Variants in BNC2 observed in about 807,000 individuals in gnomAD.
BNC2 encodes basonuclin zinc finger protein 2, also known as zinc finger protein basonuclin-2.
In BNC2, 20 loss-of-function variants were observed where a neutral mutation model predicts 76.3. The ratio of observed to expected loss-of-function variants is 0.26; its 90% CI spans 0.18 to 0.38. BNC2 has a LOEUF of 0.38. BNC2 is among the 10% of genes least tolerant of loss of function. The pLI, the probability that BNC2 is intolerant of heterozygous loss-of-function variation, is 1.00. For missense variants in BNC2, 1,382 were observed against 1,399.8 expected (o/e 0.99, Z 0.20); for synonymous variants, 582 against 514.8 (o/e 1.13, Z -1.77).
intron 1 of BNC2, among the ~76,000 whole-genome samples, chr9:16,824,526 G>A (rs1443034897): frequency 6.6e-6 from 1 of 152,128 alleles, no homozygotes; most frequent in Non-Finnish European, 1.5e-5. Flanking sequence ...TTATCTCCTT[G>A]ATAAGCAGTG....
chr9:16,741,657 TG>T (rs1824853242), intron 1 of BNC2, among the ~76,000 whole-genome samples: 1 of 151,972 alleles, frequency 6.6e-6, no homozygotes, highest in South Asian at 2.1e-4. Flanking sequence ...AAAAATACCT[TG>T]CTCTAAAACA....
intron 5 of BNC2, among the ~76,000 whole-genome samples, chr9:16,480,488 G>A (rs1053863218): frequency 1.3e-5 from 2 of 152,202 alleles, no homozygotes; most frequent in East Asian, 1.9e-4. Context: ...CGGCTCCCTC[G>A]GCTTGCAGGG....
chr9:16,435,654 C>T lies in BNC2; in HGVS notation c.2540G>A (p.Ser847Asn). Residue 847 changes from serine to asparagine, a missense_variant, in exon 6 of 7, where the codon AGT (serine) becomes AAT (asparagine). Coordinates refer to ENST00000380672, the MANE Select transcript of BNC2 (RefSeq NM_017637.6). The stretch of plus-strand genomic sequence containing the variant: ...AACGTTCCTGTAGTGAAGTTTCACA[C>T]TGTAGGAGCTTTTGAAACTCTTCTT... ...VCKKSFKSSYSVKLHYRNVHL... is the reference protein window; with the variant it reads ...VCKKSFKSSYNVKLHYRNVHL... 1 of 1,614,164 alleles carries T rather than the reference C, an allele frequency of 6.2e-7. No individual in the cohort carries two copies. The highest frequency in any genetic ancestry group is 1.1e-5 in the South Asian group (1 of 91,088).
intron 2 of BNC2, 197 bp from the exon 3 acceptor site, chr9:16,728,194 C>A: frequency 1.5e-6 from 1 of 655,334 alleles, no homozygotes. Context: ...CCCAAGCTTG[C>A]CTTTGCTCAG....
At chr9:16,752,248 A>T (rs536198967) in intron 1 of BNC2, among the ~76,000 whole-genome samples, 1 of 152,312 alleles carries the variant, frequency 6.6e-6, no homozygotes, top group South Asian at 2.1e-4. Context: ...TGAACATAAT[A>T]AACAAACTAC....
intron 1 of BNC2, among the ~76,000 whole-genome samples, chr9:16,824,759 T>G (rs749625605): frequency 6.6e-6 from 1 of 152,102 alleles, no homozygotes; most frequent in Non-Finnish European, 1.5e-5. Context: ...GTTTCAGGGG[T>G]TGCCAAGGGA....
At chr9:16,865,345 TAG>T (rs1332426217) in intron 1 of BNC2, among the ~76,000 whole-genome samples, 34 of 152,286 alleles carry the variant, frequency 2.2e-4, no homozygotes, top group African/African-American at 7.9e-4. Flanking sequence ...CTCATCTTAT[TAG>T]AGTTTTATAG....
At chr9:16,684,289 T>C (rs1430795097) in intron 3 of BNC2, among the ~76,000 whole-genome samples, 1 of 152,202 alleles carries the variant, frequency 6.6e-6, no homozygotes, top group Non-Finnish European at 1.5e-5. Context: ...TCACTCTGCA[T>C]TTGCATGTCA....
intron 3 of BNC2, among the ~76,000 whole-genome samples, chr9:16,591,979 A>G (rs1819941364): frequency 1.3e-5 from 2 of 152,186 alleles, no homozygotes; most frequent in African/African-American, 4.8e-5. Flanking sequence ...ATTAGATCTT[A>G]TAACTGAGAC....
chr9:16,558,330 T>G (rs534675311), intron 4 of BNC2, among the ~76,000 whole-genome samples: 69 of 152,324 alleles, frequency 4.5e-4, no homozygotes, highest in African/African-American at 1.6e-3. Context: ...TCTAAATTTG[T>G]ACCTAATGAA....
chr9:16,567,422 G>C (rs1214391840), intron 4 of BNC2, among the ~76,000 whole-genome samples: 1 of 152,054 alleles, frequency 6.6e-6, no homozygotes, highest in Non-Finnish European at 1.5e-5. Flanking sequence ...GGGTGGGTGA[G>C]GGGTAGTTAT....
chr9:16,419,371 C>G lies in BNC2; in HGVS notation c.2918G>C (p.Ser973Thr). The G allele has an allele frequency of 6.2e-7, 1 of 1,606,038 alleles. No homozygotes were observed. The highest frequency in any genetic ancestry group is 8.5e-7 in the Non-Finnish European group (1 of 1,175,484). Residue 973 changes from serine to threonine, a missense_variant, in exon 7 of 7, where the codon AGT becomes ACT. Around this residue, in one of 3 missense-constraint regions of BNC2, gnomAD observed 798 missense variants for 775.5 expected, o/e 1.03. Coordinates refer to ENST00000380672, the MANE Select transcript of BNC2 (RefSeq NM_017637.6). ...STTSSLQSSS[S>T]IHSSRESDAG... ...GTCGGATTCTCTGGAGGAATGGATACTGCTGCTGGACTGGAGGCTGGAGGT... is the reference window on the plus strand; with the variant it reads ...GTCGGATTCTCTGGAGGAATGGATAGTGCTGCTGGACTGGAGGCTGGAGGT...
chr9:16,435,498 G>A (rs925246268), intron 6 of BNC2, 57 bp downstream of exon 6: 14 of 1,586,880 alleles, frequency 8.8e-6, no homozygotes, highest in Non-Finnish European at 1.2e-5. Flanking sequence ...AGTCCAACAT[G>A]ACTGAAAACT....
intron 1 of BNC2, among the ~76,000 whole-genome samples, chr9:16,773,858 A>G (rs1825893378): frequency 6.6e-6 from 1 of 152,194 alleles, no homozygotes; most frequent in African/African-American, 2.4e-5. Flanking sequence ...CTATTTGAAT[A>G]CAAATAATGT....
chr9:16,507,012 C>G (rs1032272019), intron 5 of BNC2, among the ~76,000 whole-genome samples: 7 of 152,168 alleles, frequency 4.6e-5, no homozygotes, highest in Non-Finnish European at 8.8e-5. Context: ...CCTCAGCCTC[C>G]CAAAGGGCTG....
chr9:16,560,545 A>G (rs1818978941), intron 4 of BNC2, among the ~76,000 whole-genome samples: 1 of 96,232 alleles, frequency 1.0e-5, no homozygotes, highest in South Asian at 3.6e-4. Context: ...AACCATGTCC[A>G]CAAAAAAAAA....
chr9:16,823,698 C>T (rs1272864229), intron 1 of BNC2, among the ~76,000 whole-genome samples: 1 of 151,836 alleles, frequency 6.6e-6, no homozygotes, highest in Non-Finnish European at 1.5e-5. Flanking sequence ...ATGTTGATAA[C>T]TATAGTAACA....
chr9:16,699,397 T>C (rs543003675), intron 3 of BNC2, among the ~76,000 whole-genome samples: 4 of 152,220 alleles, frequency 2.6e-5, no homozygotes, highest in African/African-American at 9.7e-5. Flanking sequence ...CATAAGATTT[T>C]AGAATTATGC....
At position 16,643,367 on chromosome 9, in the gene BNC2, TTA is replaced by T. The variant is rs999324141; in HGVS notation, c.331-60284_331-60283del. ...AGACCAGAATTTGGGTCTCAAATAATTAGTTATCTACTCACAGAATAATTTTA... is the reference window on the plus strand; with the variant it reads ...AGACCAGAATTTGGGTCTCAAATAATGTTATCTACTCACAGAATAATTTTA... On this transcript the variant is annotated intron_variant, in intron 3 of 6. Coordinates refer to ENST00000380672, the MANE Select transcript of BNC2 (RefSeq NM_017637.6). Among the ~76,000 whole-genome samples the T allele has an allele frequency of 8.6e-5, 13 of 151,780 alleles. No homozygotes were observed. The East Asian group carries it at 2.5e-3, about 29-fold the overall frequency.
Sources: gnomAD v4.1 joint callset for allele counts (sites outside exome capture counted in the v4.1 genomes callset) on GRCh38, gnomAD v4.1.1 for gene constraint, gnomAD v4.1.1 regional missense constraint, MANE v1.5 for transcripts, NCBI Gene and HGNC (gene_info 2026-07-23, HGNC 2026-07-21) for gene names.